Variants in CSTF3 observed in about 807,000 individuals in gnomAD.
CSTF3 encodes the protein CF-1 77 kDa subunit.
Under a neutral mutation model 105.8 loss-of-function variants are expected in CSTF3, and 29 were observed. The ratio of observed to expected loss-of-function variants is 0.27; its 90% CI spans 0.20 to 0.37. The LOEUF (loss-of-function observed/expected upper bound fraction) is 0.37. CSTF3 is among the 10% of genes least tolerant of loss of function. The probability of loss-of-function intolerance (pLI) is 1.00; values close to 1 mark genes in which losing one functional copy is unlikely to be tolerated. For synonymous variants in CSTF3, 252 were observed against 281.9 expected, an observed-to-expected ratio of 0.89 and a Z score of 1.06; for missense variants, 357 against 879.3, an observed-to-expected ratio of 0.41 and a Z score of 7.51.
In CSTF3 at chr11:33,099,585, G is replaced by C; in HGVS notation, c.936+23C>G. On this transcript the variant is annotated intron_variant, in intron 11 of 20. Coordinates refer to ENST00000323959, the MANE Select transcript of CSTF3 (RefSeq NM_001326.3). This position sits in a 1 kb window ranked among gnomAD's most constrained non-coding sequence, Gnocchi z 4.1. ...ATCAAAACCACAAAAATATCAAAGTGGGGATAGGGAAGGAACACTTACTCC... is the reference window on the plus strand; with the variant it reads ...ATCAAAACCACAAAAATATCAAAGTCGGGATAGGGAAGGAACACTTACTCC... 2.1e-6 allele frequency: 3 copies of C among 1,439,854 alleles called. No individual in the cohort carries two copies. The highest frequency in any genetic ancestry group is 2.9e-6 in the Non-Finnish European group (3 of 1,037,310). 89.2% of individuals were successfully genotyped at this position (1,439,854 alleles called of 1,614,324 possible).
At chr11:33,107,585 C>G (rs562066995) in intron 5 of CSTF3, among the ~76,000 whole-genome samples, 2 of 152,130 alleles carry the variant, frequency 1.3e-5, no homozygotes, top group East Asian at 3.9e-4. Context: ...ATTGTGACCT[C>G]ACAAAAGTGG....
Position 33,085,958 on chromosome 11 carries a change from C to T in CSTF3, c.1827G>A (p.Val609=). 6.5e-7 allele frequency: 1 copy of T among 1,529,278 alleles called. No homozygotes were observed. The highest frequency in any genetic ancestry group is 8.8e-7 in the Non-Finnish European group (1 of 1,142,612). The allele number at this position is 1,529,278 out of a possible 1,614,324, so 94.7% of individuals were successfully genotyped here. A position where few individuals can be genotyped will look rare whatever the true frequency, so the allele number is the denominator to read the frequency against. ...CAACAGCTGCAGGAGGGACTGGGAA[C>T]ACTCCACCAGGTACAGGGTGTAAAC... ...PPGLHPVPGG[V]FPVPPAAVVL... is the part of the protein sequence containing the mutation. The change falls in exon 19 of 21, where the codon GTG becomes GTA. Residue 609 remains valine (V), a synonymous_variant. Coordinates refer to ENST00000323959, the MANE Select transcript of CSTF3 (RefSeq NM_001326.3).
intron 1 of CSTF3, among the ~76,000 whole-genome samples, chr11:33,156,242 A>T (rs1849864122): frequency 6.6e-6 from 1 of 152,194 alleles, no homozygotes; most frequent in South Asian, 2.1e-4. Context: ...GCTGTTACAG[A>T]AAGATTTTGG....
In CSTF3 at chr11:33,096,966, A is replaced by G; in HGVS notation, c.1141T>C (p.Tyr381His). The G allele has an allele frequency of 6.3e-7, 1 of 1,599,112 alleles. No homozygotes were observed. Among genetic ancestry groups the G allele is most frequent in the Non-Finnish European group, 8.6e-7 (1 of 1,169,364 alleles). Residue 381 changes from tyrosine to histidine, a missense_variant, in exon 14 of 21, where the codon TAT (tyrosine) becomes CAT (histidine). Transcript: ENST00000323959. ...TCTGCTCTCCGTGCAAATTTCATAT[A>G]TTGGATATATACCTATGCAAAAGAA... ...DIDPTLVYIQ[Y>H]MKFARRAEGI...
Position 33,099,050 on chromosome 11 carries a change from T to C in CSTF3, c.1037A>G (p.Tyr346Cys), listed in dbSNP as rs775545700. 3.8e-6 allele frequency: 6 copies of C among 1,572,942 alleles called. No individual in the cohort carries two copies. The highest frequency in any genetic ancestry group is 5.1e-6 in the Non-Finnish European group (6 of 1,170,996). Residue 346 changes from tyrosine to cysteine, a missense_variant, in exon 12 of 21, where the codon TAT becomes TGT. This residue lies in a region of CSTF3 where 206 missense variants were observed against 576.5 expected (regional missense o/e 0.36). Coordinates refer to ENST00000323959, the MANE Select transcript of CSTF3 (RefSeq NM_001326.3). This position sits in a 1 kb window ranked among gnomAD's most constrained non-coding sequence, Gnocchi z 4.1. The part of the protein sequence containing the change: ...LKKNMLLYFA[Y>C]ADYEESRMKY... ...TTTACTTACCTCTTCATAATCTGCA[T>C]ATGCAAAATAAAGAAGCATATTCTT...
intron 1 of CSTF3, among the ~76,000 whole-genome samples, chr11:33,150,013 C>A (rs529459533): frequency 1.3e-5 from 2 of 148,216 alleles, no homozygotes; most frequent in East Asian, 4.0e-4. Context: ...AGCCAGACTC[C>A]GTCTTGAAAA....
intron 3 of CSTF3, among the ~76,000 whole-genome samples, chr11:33,109,892 G>A (rs1396449737): frequency 6.6e-6 from 1 of 151,920 alleles, no homozygotes; most frequent in Non-Finnish European, 1.5e-5. Context: ...TTGAATTTTT[G>A]CTCAAGGTGT....
chr11:33,155,550 A>G (rs1316497714), intron 1 of CSTF3, among the ~76,000 whole-genome samples: 2 of 152,176 alleles, frequency 1.3e-5, no homozygotes, highest in Non-Finnish European at 2.9e-5. Context: ...CTTCTTTCAA[A>G]TATGAATAAT....
At chr11:33,159,312 T>C (rs12789704) in intron 1 of CSTF3, among the ~76,000 whole-genome samples, 51,580 of 151,514 alleles carry the variant, frequency 0.34, 9,807 homozygotes, top group Middle Eastern at 0.48. Context: ...ATACAAAAAT[T>C]AGGCCAGGTA....
chr11:33,136,277 CTATT>C (rs1286165113), intron 3 of CSTF3: 1 of 152,006 alleles, frequency 6.6e-6, no homozygotes, highest in Non-Finnish European at 1.5e-5. Context: ...TACAAACCAA[CTATT>C]TGTTTTCTGC....
At chr11:33,094,911 T>A (rs1472818499) in intron 15 of CSTF3, among the ~76,000 whole-genome samples, 2 of 152,112 alleles carry the variant, frequency 1.3e-5, no homozygotes, top group African/African-American at 2.4e-5. Context: ...TATTATTATT[T>A]TTTTGAGGCA....
chr11:33,117,597 T>C (rs1332600505), intron 3 of CSTF3, among the ~76,000 whole-genome samples: 2 of 151,800 alleles, frequency 1.3e-5, no homozygotes, highest in Non-Finnish European at 2.9e-5. Context: ...CACAAGGAGA[T>C]TTAATAACTT....
In CSTF3 at chr11:33,085,036, TGA is replaced by T. The variant is rs766892378; in HGVS notation, c.*49_*50del. The stretch of plus-strand genomic sequence containing the variant: ...CGTTGTCTCTTTTAAACATACCACT[TGA>T]GGCAAAAGGAATCCTGGACAGGAGT... On this transcript the variant is annotated 3_prime_UTR_variant, in exon 21 of 21. Transcript: ENST00000323959. 5.7e-6 allele frequency: 9 copies of T among 1,592,550 alleles called. No individual in the cohort carries two copies. The African/African-American group carries it at 9.4e-5, about 17-fold the overall frequency.
chr11:33,126,474 CTCTTA>C lies in CSTF3; in HGVS notation c.225+15188_225+15192del, dbSNP rs1467782616. ...CCAAAAAAAAAAAGTATAAATCTTT[CTCTTA>C]TGTTATACATCAACATAATTCTAAA... On this transcript the variant is annotated intron_variant, in intron 3 of 20. Transcript: ENST00000323959. Among the ~76,000 whole-genome samples, 6 of 152,032 alleles carry C rather than the reference CTCTTA, an allele frequency of 3.9e-5. No homozygotes were observed. The East Asian group carries it at 7.7e-4, about 20-fold the overall frequency.
At chr11:33,156,917 A>G (rs1485541769) in intron 1 of CSTF3, 1 of 280,580 alleles carries the variant, frequency 3.6e-6, no homozygotes, top group African/African-American at 2.3e-5. Flanking sequence ...ATAAAGATGA[A>G]TAACATCATC....
intron 1 of CSTF3, among the ~76,000 whole-genome samples, chr11:33,148,867 T>TG (rs1855820739): frequency 6.6e-6 from 1 of 150,906 alleles, no homozygotes; most frequent in Non-Finnish European, 1.5e-5. Context: ...TGTGTTTTTT[T>TG]TTTTTTTTTT....
At chr11:33,135,135 T>C (rs1370135518) in intron 3 of CSTF3, among the ~76,000 whole-genome samples, 1 of 152,076 alleles carries the variant, frequency 6.6e-6, no homozygotes, top group East Asian at 1.9e-4. Flanking sequence ...TTTAAAAAAG[T>C]TTATGCAACC....
chr11:33,159,206 C>T (rs1375283118), intron 1 of CSTF3, among the ~76,000 whole-genome samples: 1 of 152,010 alleles, frequency 6.6e-6, no homozygotes, highest in Non-Finnish European at 1.5e-5. Flanking sequence ...GTCTGTAATC[C>T]CAACACTTGG....
chr11:33,105,450 T>C, intron 8 of CSTF3, 117 bp downstream of exon 8: 1 of 1,003,282 alleles, frequency 1.0e-6, no homozygotes. Context: ...GTGCTTTCAT[T>C]ACAATCAATA....
Sources: allele counts gnomAD v4.1 joint callset (sites outside exome capture counted in the v4.1 genomes callset), GRCh38; gene constraint gnomAD v4.1.1; regional missense constraint gnomAD v4.1.1; non-coding constraint Gnocchi (gnomAD v3.1); transcripts MANE v1.5; gene names NCBI Gene and HGNC (gene_info 2026-07-23, HGNC 2026-07-21).